KLF12: variants seen among roughly 807,000 people sequenced by gnomAD.
KLF12 encodes KLF transcription factor 12, also known as Krueppel-like factor 12.
KLF12 carries 9 observed loss-of-function variants against 37.8 expected under a neutral mutation model. The observed-to-expected ratio is 0.24, with a 90% CI of 0.14 to 0.42. The LOEUF is 0.42. Among genes scored for constraint, KLF12 ranks in the 10% least tolerant of loss-of-function variants. The pLI, the probability that KLF12 is intolerant of heterozygous loss-of-function variation, is 1.00. For synonymous variants in KLF12, 208 were observed against 202.1 expected (o/e 1.03, Z -0.25); for missense variants, 411 against 516.0 (o/e 0.80, Z 1.97).
chr13:73,830,020 T>A (rs1485560330), intron 4 of KLF12, among the ~76,000 whole-genome samples: 1 of 152,206 alleles, frequency 6.6e-6, no homozygotes, highest in African/African-American at 2.4e-5. Flanking sequence ...CTTATCATGG[T>A]GACTATTAAA....
At chr13:73,805,181 A>G (rs1882492896) in intron 5 of KLF12, among the ~76,000 whole-genome samples, 1 of 152,162 alleles carries the variant, frequency 6.6e-6, no homozygotes, top group Non-Finnish European at 1.5e-5. Flanking sequence ...ACACTCTACT[A>G]TTTTACATCT....
chr13:74,278,123 C>T, the KLF12 span, among the ~76,000 whole-genome samples: 3 of 152,140 alleles, frequency 2.0e-5, no homozygotes, highest in Non-Finnish European at 2.9e-5. Flanking sequence ...TTCTTTGAGA[C>T]GTCCACCACC....
chr13:74,202,195 C>T, the KLF12 span, among the ~76,000 whole-genome samples: 1 of 152,100 alleles, frequency 6.6e-6, no homozygotes, highest in Non-Finnish European at 1.5e-5. Flanking sequence ...AACTTGGTGC[C>T]TATCCTTCCA....
chr13:74,154,177 G>A, the KLF12 span, among the ~76,000 whole-genome samples: 9 of 151,306 alleles, frequency 5.9e-5, 1 homozygote, highest in Admixed American at 4.6e-4. Context: ...AGAGGTTGCA[G>A]TGAGCCGAGA....
chr13:74,208,987 T>A, the KLF12 span, among the ~76,000 whole-genome samples: 5 of 152,154 alleles, frequency 3.3e-5, no homozygotes, highest in East Asian at 7.7e-4. Flanking sequence ...GAGCACTAAA[T>A]ACAGATAAAA....
chr13:74,303,676 A>AT, the KLF12 span, among the ~76,000 whole-genome samples: 1 of 152,134 alleles, frequency 6.6e-6, no homozygotes, highest in Non-Finnish European at 1.5e-5. Flanking sequence ...ACTATAATAG[A>AT]TTTTCACCAA....
chr13:74,171,346 T>C, the KLF12 span, among the ~76,000 whole-genome samples: 3 of 152,194 alleles, frequency 2.0e-5, no homozygotes, highest in Admixed American at 2.0e-4. Context: ...AAGGCTGCTC[T>C]TGGCATTCTC....
At chr13:73,847,347 T>G (rs1241452923) in intron 3 of KLF12, among the ~76,000 whole-genome samples, 1 of 152,122 alleles carries the variant, frequency 6.6e-6, no homozygotes, top group Non-Finnish European at 1.5e-5. Flanking sequence ...ACAAAAACTT[T>G]TTTTCACTTT....
rs79616284 is a variant in KLF12, at chr13:73,867,229, G to A, written c.124-20856C>T. On this transcript the variant is annotated intron_variant, in intron 3 of 7. Coordinates refer to ENST00000377669, the MANE Select transcript of KLF12 (RefSeq NM_007249.5). ...AAATATAAGAAAATAAAAGTTGAAA[G>A]TAAATGAATGAAAAAAACACTAGGC... Among the ~76,000 whole-genome samples the A allele has an allele frequency of 5.6e-3, 844 of 151,786 alleles. 2 individuals are homozygous for A. Among genetic ancestry groups the A allele is most frequent in the African/African-American group, 0.019 (803 of 41,418 alleles).
At chr13:73,818,376 T>A (rs968801736) in intron 4 of KLF12, among the ~76,000 whole-genome samples, 1 of 152,248 alleles carries the variant, frequency 6.6e-6, no homozygotes, top group African/African-American at 2.4e-5. Context: ...GGGTTCTCAC[T>A]GGTGTATGGT....
the KLF12 span, among the ~76,000 whole-genome samples, chr13:74,212,110 A>T: frequency 6.6e-6 from 1 of 152,208 alleles, no homozygotes; most frequent in African/African-American, 2.4e-5. Context: ...TAGTTTTATA[A>T]ACTAGTGTTT....
At chr13:74,257,590 A>T in the KLF12 span, 1 of 152,156 alleles carries the variant, frequency 6.6e-6, no homozygotes, top group African/African-American at 2.4e-5. Flanking sequence ...TTTCCCAGAA[A>T]CTTAGAGGCA....
chr13:74,285,040 T>C, the KLF12 span, among the ~76,000 whole-genome samples: 1 of 152,310 alleles, frequency 6.6e-6, no homozygotes, highest in Non-Finnish European at 1.5e-5. Flanking sequence ...TCATCAAATT[T>C]CTCTTGTATG....
chr13:74,113,608 T>C (rs1877107293), intron 1 of KLF12, among the ~76,000 whole-genome samples: 2 of 152,200 alleles, frequency 1.3e-5, no homozygotes, highest in South Asian at 4.1e-4. Flanking sequence ...AAAGATTCCT[T>C]TCAAAATATT....
At chr13:73,962,092 G>A in intron 2 of KLF12, 1 of 442,938 alleles carries the variant, frequency 2.3e-6, no homozygotes, top group Non-Finnish European at 4.5e-6. Flanking sequence ...TTCATTAGGT[G>A]AATGGATAAA....
chr13:74,299,277 A>G, the KLF12 span, among the ~76,000 whole-genome samples: 1 of 152,184 alleles, frequency 6.6e-6, no homozygotes, highest in Non-Finnish European at 1.5e-5. Flanking sequence ...TTGCAAGAGC[A>G]CTGGACATTC....
chr13:74,127,355 A>G (rs1425295371), intron 1 of KLF12, among the ~76,000 whole-genome samples: 1 of 152,248 alleles, frequency 6.6e-6, no homozygotes, highest in East Asian at 1.9e-4. Flanking sequence ...AGGGTGGAAA[A>G]GACCATGATA....
intron 5 of KLF12, chr13:73,801,847 T>C (rs1882293809): frequency 6.6e-6 from 1 of 152,106 alleles, no homozygotes; most frequent in Non-Finnish European, 1.5e-5. Context: ...GGCTCATCAG[T>C]TCTATCCATG....
chr13:74,090,648 C>A (rs1593891580), intron 1 of KLF12, among the ~76,000 whole-genome samples: 1 of 152,050 alleles, frequency 6.6e-6, no homozygotes, highest in African/African-American at 2.4e-5. Flanking sequence ...CATGTATCCT[C>A]TTTGATAAAG....
Sources: allele counts gnomAD v4.1 joint callset (sites outside exome capture counted in the v4.1 genomes callset), GRCh38; gene constraint gnomAD v4.1.1; transcripts MANE v1.5; gene names NCBI Gene and HGNC (gene_info 2026-07-23, HGNC 2026-07-21).